GATAD2B: variants seen among roughly 807,000 people sequenced by gnomAD.
The protein encoded by GATAD2B is GATA zinc finger domain containing 2B.
In GATAD2B, 8 loss-of-function variants were observed where a neutral mutation model predicts 64.3. The ratio of observed to expected loss-of-function variants is 0.12; its 90% CI spans 0.07 to 0.22. The LOEUF is 0.22. GATAD2B is among the 10% of genes least tolerant of loss of function. The pLI, the probability that GATAD2B is intolerant of heterozygous loss-of-function variation, is 1.00. For synonymous variants in GATAD2B, 281 were observed against 271.3 expected, an observed-to-expected ratio of 1.04 and a Z score of -0.35; for missense variants, 453 against 752.0, an observed-to-expected ratio of 0.60 and a Z score of 4.65.
intron 1 of GATAD2B, among the ~76,000 whole-genome samples, chr1:153,901,633 T>C (rs893969114): frequency 6.6e-6 from 1 of 151,710 alleles, no homozygotes; most frequent in African/African-American, 2.4e-5. Context: ...GAGACCAGCC[T>C]GGCTAACATG....
chr1:153,846,530 G>GTCCA (rs1675693994), intron 1 of GATAD2B, among the ~76,000 whole-genome samples: 1 of 146,642 alleles, frequency 6.8e-6, no homozygotes, highest in Non-Finnish European at 1.5e-5. Context: ...TAGCCACCGT[G>GTCCA]TCCAACCCCT....
rs1039561077 is a variant in GATAD2B, at chr1:153,816,803, G to A, written c.901-215C>T. Among the ~76,000 whole-genome samples the A allele has an allele frequency of 6.6e-6, 1 of 152,194 alleles. No homozygotes were observed. Among genetic ancestry groups the A allele is most frequent in the Admixed American group, 6.5e-5 (1 of 15,280 alleles). ...TAACATTGCTAAGAGAGAAATAAAG[G>A]CCACGCGTGGTGGCTCACGCCTATA... On this transcript the variant is annotated intron_variant, in intron 6 of 10. Coordinates refer to ENST00000368655, the MANE Select transcript of GATAD2B (RefSeq NM_020699.4). This position sits in a 1 kb window ranked among gnomAD's most constrained non-coding sequence, Gnocchi z 4.9.
chr1:153,825,905 T>A (rs1408630103), intron 2 of GATAD2B, among the ~76,000 whole-genome samples: 3 of 152,196 alleles, frequency 2.0e-5, no homozygotes, highest in African/African-American at 4.8e-5. Flanking sequence ...CTGCTTTGGA[T>A]GAGTCCTACA....
intron 1 of GATAD2B, chr1:153,921,817 G>C (rs1013943789): frequency 2.6e-5 from 4 of 152,274 alleles, no homozygotes; most frequent in Non-Finnish European, 5.9e-5. Flanking sequence ...TGCTGGGGAA[G>C]AATCCAAAGA....
chr1:153,881,539 G>C (rs1388705708), intron 1 of GATAD2B, among the ~76,000 whole-genome samples: 1 of 152,148 alleles, frequency 6.6e-6, no homozygotes, highest in Non-Finnish European at 1.5e-5. Flanking sequence ...AATCCCATTA[G>C]AAACCTCAGC....
intron 1 of GATAD2B, among the ~76,000 whole-genome samples, chr1:153,861,872 A>ATG (rs1470315830): frequency 6.9e-6 from 1 of 145,982 alleles, no homozygotes; most frequent in African/African-American, 2.6e-5. Context: ...ATGTATATAT[A>ATG]TGTGTATATA....
chr1:153,922,685 C>T (rs927139697), intron 1 of GATAD2B, 48 bp downstream of exon 1: 2 of 152,402 alleles, frequency 1.3e-5, no homozygotes, highest in African/African-American at 2.4e-5. Flanking sequence ...CTCCTCACCG[C>T]CCCCGGGCGG....
intron 1 of GATAD2B, among the ~76,000 whole-genome samples, chr1:153,858,146 C>A (rs920138290): frequency 6.6e-6 from 1 of 152,152 alleles, no homozygotes; most frequent in Non-Finnish European, 1.5e-5. Context: ...TAAGGTTGTT[C>A]TTTCTTCTGC....
chr1:153,826,627 T>TCACACA (rs374450799), intron 2 of GATAD2B, among the ~76,000 whole-genome samples: 2 of 148,864 alleles, frequency 1.3e-5, no homozygotes, highest in Non-Finnish European at 3.0e-5. Flanking sequence ...TGAAACTCCA[T>TCACACA]CACACACACA....
At chr1:153,918,943 C>T (rs1678347541) in intron 1 of GATAD2B, among the ~76,000 whole-genome samples, 3 of 151,308 alleles carry the variant, frequency 2.0e-5, no homozygotes, top group East Asian at 1.9e-4. Flanking sequence ...AAGAGCAAAA[C>T]TCCATCTCAA....
Position 153,818,027 on chromosome 1 carries a change from A to G in GATAD2B, c.729+13T>C, listed in dbSNP as rs369503904. The G allele has an allele frequency of 1.6e-4, 258 of 1,584,928 alleles. 2 individuals carry two copies. Among genetic ancestry groups the G allele is most frequent in the Middle Eastern group, 5.1e-4 (3 of 5,918 alleles). On this transcript the variant is annotated intron_variant, in intron 5 of 10. Transcript: ENST00000368655. Reference sequence around the variant, plus strand: ...GGCCCTCCAACACTAAGATCCCACTATGGGTCACATACCTGTAATGTTCTC... The same window carrying G: ...GGCCCTCCAACACTAAGATCCCACTGTGGGTCACATACCTGTAATGTTCTC...
At chr1:153,837,179 G>A (rs897757037) in intron 1 of GATAD2B, among the ~76,000 whole-genome samples, 2 of 152,074 alleles carry the variant, frequency 1.3e-5, no homozygotes, top group African/African-American at 4.8e-5. Context: ...ACATATATGA[G>A]GTACCTAGAG....
chr1:153,884,904 C>A (rs1035171346), intron 1 of GATAD2B, among the ~76,000 whole-genome samples: 1 of 151,898 alleles, frequency 6.6e-6, no homozygotes, highest in Non-Finnish European at 1.5e-5. Flanking sequence ...TTACACGGGC[C>A]TGCCACCACA....
intron 1 of GATAD2B, among the ~76,000 whole-genome samples, chr1:153,895,454 C>T (rs1677557436): frequency 6.6e-6 from 1 of 151,902 alleles, no homozygotes; most frequent in Admixed American, 6.6e-5. Context: ...GTGGCACATG[C>T]ATGTAGTCCC....
chr1:153,895,350 T>C (rs1330040784), intron 1 of GATAD2B, among the ~76,000 whole-genome samples: 1 of 137,916 alleles, frequency 7.3e-6, no homozygotes, highest in South Asian at 2.3e-4. Context: ...AAAAAAAAAG[T>C]TTACAGAAAC....
chr1:153,870,521 A>G (rs1676626665), intron 1 of GATAD2B, among the ~76,000 whole-genome samples: 1 of 152,056 alleles, frequency 6.6e-6, no homozygotes, highest in African/African-American at 2.4e-5. Context: ...TGCAGTGAGC[A>G]GAGATCGCGT....
chr1:153,893,955 TAAAAAA>T (rs57287798), intron 1 of GATAD2B, among the ~76,000 whole-genome samples: 14 of 68,614 alleles, frequency 2.0e-4, no homozygotes, highest in Non-Finnish European at 2.4e-4. Flanking sequence ...AGACTCCATC[TAAAAAA>T]AAAAAAAAAA....
intron 2 of GATAD2B, among the ~76,000 whole-genome samples, chr1:153,823,928 C>T (rs1054916146): frequency 5.9e-5 from 9 of 151,996 alleles, no homozygotes; most frequent in Admixed American, 5.9e-4. Context: ...CAGGGTTTCA[C>T]CATGTTGGCC....
chr1:153,914,827 G>C (rs1000221178), intron 1 of GATAD2B: 1 of 152,348 alleles, frequency 6.6e-6, no homozygotes, highest in Non-Finnish European at 1.5e-5. Context: ...CAACTCAGGA[G>C]GCTGAGGCAG....
Sources: allele counts gnomAD v4.1 joint callset (sites outside exome capture counted in the v4.1 genomes callset), GRCh38; gene constraint gnomAD v4.1.1; non-coding constraint Gnocchi (gnomAD v3.1); transcripts MANE v1.5; gene names NCBI Gene and HGNC (gene_info 2026-07-23, HGNC 2026-07-21).